MOCOS: variants seen among roughly 807,000 people sequenced by gnomAD.
The protein encoded by MOCOS is human molybdenum cofactor sulfurase.
In MOCOS, 86 loss-of-function variants were observed where a neutral mutation model predicts 83.6. The observed-to-expected ratio is 1.03, with a 90% confidence interval of 0.86 to 1.23. The LOEUF (loss-of-function observed/expected upper bound fraction) is 1.23. Among genes scored for constraint, MOCOS ranks in the 50% most tolerant of loss-of-function variants. The pLI, the probability that MOCOS is intolerant of heterozygous loss-of-function variation, is 0.00. For synonymous variants in MOCOS, 445 were observed against 434.7 expected, an observed-to-expected ratio of 1.02 and a Z score of -0.29; for missense variants, 1,120 against 1,126.9, an observed-to-expected ratio of 0.99 and a Z score of 0.09.
intron 8 of MOCOS, among the ~76,000 whole-genome samples, chr18:36,218,836 AT>A (rs1555652669): frequency 0.017 from 1,881 of 113,524 alleles, 33 homozygotes; most frequent in African/African-American, 0.054. Flanking sequence ...ACTTTATTTT[AT>A]TTTATTTATT....
chr18:36,214,787 A>G (rs1046450096), intron 7 of MOCOS, among the ~76,000 whole-genome samples: 2 of 152,174 alleles, frequency 1.3e-5, no homozygotes, highest in African/African-American at 4.8e-5. Flanking sequence ...GAGGCTCAGA[A>G]CACAAACACA....
intron 9 of MOCOS, among the ~76,000 whole-genome samples, chr18:36,234,060 T>A (rs977773950): frequency 2.4e-4 from 36 of 152,314 alleles, no homozygotes; most frequent in Non-Finnish European, 1.8e-4. Flanking sequence ...TTTATCTTTG[T>A]TTTAGTTGCA....
chr18:36,240,838 C>G (rs62101264), intron 9 of MOCOS, among the ~76,000 whole-genome samples: 20,166 of 152,004 alleles, frequency 0.13, 1,633 homozygotes, highest in Middle Eastern at 0.23. Context: ...TCTCGTGGTG[C>G]GCCGTTTTTT....
intron 9 of MOCOS, among the ~76,000 whole-genome samples, chr18:36,242,767 C>T (rs2144130311): frequency 6.6e-6 from 1 of 152,266 alleles, no homozygotes; most frequent in East Asian, 1.9e-4. Context: ...ACTTATAAAA[C>T]CATCAGATCT....
intron 9 of MOCOS, among the ~76,000 whole-genome samples, chr18:36,223,883 A>G (rs1181700644): frequency 6.6e-6 from 1 of 152,152 alleles, no homozygotes. Context: ...CCAAACTGGA[A>G]TAGAGTGGCA....
At chr18:36,207,693 G>A (rs550939030) in intron 6 of MOCOS, among the ~76,000 whole-genome samples, 2 of 151,598 alleles carry the variant, frequency 1.3e-5, no homozygotes, top group East Asian at 3.9e-4. Context: ...CCAGATATTA[G>A]ACCTTTATTA....
At chr18:36,266,433 C>G (rs923478411) in intron 13 of MOCOS, among the ~76,000 whole-genome samples, 3 of 152,022 alleles carry the variant, frequency 2.0e-5, no homozygotes, top group Non-Finnish European at 4.4e-5. Context: ...ACCATGCTGG[C>G]TTTCTGCAAC....
At chr18:36,264,557 A>G (rs574724631) in intron 13 of MOCOS, among the ~76,000 whole-genome samples, 22 of 152,158 alleles carry the variant, frequency 1.4e-4, no homozygotes, top group Non-Finnish European at 2.9e-4. Flanking sequence ...CCTGGGCTTG[A>G]GTCCTTGTAT....
chr18:36,201,448 G>C (rs1413749742), intron 4 of MOCOS, among the ~76,000 whole-genome samples: 2 of 152,038 alleles, frequency 1.3e-5, no homozygotes, highest in South Asian at 2.1e-4. Context: ...TGGATCATGA[G>C]GTCAGGAGTT....
intron 9 of MOCOS, among the ~76,000 whole-genome samples, chr18:36,231,243 A>T (rs918779774): frequency 2.0e-5 from 3 of 152,098 alleles, no homozygotes; most frequent in African/African-American, 7.2e-5. Flanking sequence ...TCTATAACTG[A>T]GCTATATATT....
intron 10 of MOCOS, among the ~76,000 whole-genome samples, chr18:36,250,333 A>G (rs1014143386): frequency 3.3e-5 from 5 of 152,192 alleles, no homozygotes; most frequent in Non-Finnish European, 5.9e-5. Context: ...ACTGCCCTGA[A>G]CATATGCTGT....
chr18:36,259,625 G>A (rs1386885525), intron 12 of MOCOS, among the ~76,000 whole-genome samples: 1 of 151,520 alleles, frequency 6.6e-6, no homozygotes, highest in African/African-American at 2.4e-5. Flanking sequence ...AGATCTCAGT[G>A]CTTCTTAGGT....
At chr18:36,199,311 G>A (rs1030299522) in intron 3 of MOCOS, among the ~76,000 whole-genome samples, 1 of 152,184 alleles carries the variant, frequency 6.6e-6, no homozygotes, top group African/African-American at 2.4e-5. Context: ...AAGTGATACT[G>A]TTTTGCTATT....
intron 11 of MOCOS, 156 bp from the exon 12 acceptor site, chr18:36,256,812 C>A: frequency 2.8e-6 from 2 of 708,516 alleles, no homozygotes; most frequent in South Asian, 1.5e-5. Context: ...GAGAGATATG[C>A]ACCATGCTTA....
rs60986604 is a variant in MOCOS, at chr18:36,202,864, G to A, written c.942-249G>A. 0.056 allele frequency among the ~76,000 whole-genome samples: 8,523 copies of A among 152,106 alleles called. 278 individuals carry two copies. The highest frequency in any genetic ancestry group is 0.098 in the East Asian group (508 of 5,164). On this transcript the variant is annotated intron_variant, in intron 4 of 14. Coordinates refer to ENST00000261326, the MANE Select transcript of MOCOS (RefSeq NM_017947.4). ...GCCATTTATAAAACCATCAGATCTC[G>A]TGAGAACTCCCTCACTATCACGAAA...
chr18:36,203,576 A>C (rs2091422923), intron 5 of MOCOS, among the ~76,000 whole-genome samples: 1 of 152,182 alleles, frequency 6.6e-6, no homozygotes, highest in South Asian at 2.1e-4. Flanking sequence ...GAATGAGCTG[A>C]TGCTCAGAGA....
intron 1 of MOCOS, chr18:36,190,214 T>C (rs1455474228): frequency 6.6e-6 from 1 of 152,244 alleles, no homozygotes; most frequent in African/African-American, 2.4e-5. Context: ...GCCTTTCTTT[T>C]GGTTTGGTAC....
chr18:36,264,512 A>G (rs1314111894), intron 13 of MOCOS, among the ~76,000 whole-genome samples: 1 of 152,130 alleles, frequency 6.6e-6, no homozygotes, highest in Non-Finnish European at 1.5e-5. Flanking sequence ...TATAATAGTG[A>G]TAGTTTCCAC....
At chr18:36,214,534 C>T (rs2091468490) in intron 7 of MOCOS, among the ~76,000 whole-genome samples, 1 of 152,020 alleles carries the variant, frequency 6.6e-6, no homozygotes, top group African/African-American at 2.4e-5. Context: ...CTTCCCTGGG[C>T]TGAGGTTTTT....
Sources: gnomAD v4.1 joint callset for allele counts (sites outside exome capture counted in the v4.1 genomes callset) on GRCh38, gnomAD v4.1.1 for gene constraint, MANE v1.5 for transcripts, NCBI Gene and HGNC (gene_info 2026-07-23, HGNC 2026-07-21) for gene names.